KIAA0513: variants seen among roughly 807,000 people sequenced by gnomAD.
The protein encoded by KIAA0513 is uncharacterized protein KIAA0513.
Under a neutral mutation model 56.5 loss-of-function variants are expected in KIAA0513, and 39 were observed. The observed-to-expected ratio is 0.69, with a 90% CI of 0.53 to 0.90. The LOEUF (loss-of-function observed/expected upper bound fraction) is 0.90. KIAA0513 is among the 40% of genes least tolerant of loss of function. KIAA0513 has a pLI of 0.00. For synonymous variants in KIAA0513, 268 were observed against 215.6 expected, an observed-to-expected ratio of 1.24 and a Z score of -2.13; for missense variants, 591 against 535.2, an observed-to-expected ratio of 1.10 and a Z score of -1.03.
At chr16:85,043,760 C>G (rs1457523481) in intron 1 of KIAA0513, among the ~76,000 whole-genome samples, 1 of 152,080 alleles carries the variant, frequency 6.6e-6, no homozygotes, top group Non-Finnish European at 1.5e-5. Flanking sequence ...AGTCCGGACG[C>G]GGTGGCCCAC....
intron 1 of KIAA0513, among the ~76,000 whole-genome samples, chr16:85,054,426 T>C (rs1432406267): frequency 2.8e-5 from 4 of 143,484 alleles, no homozygotes; most frequent in South Asian, 2.3e-4. Context: ...CTTTTCTTTT[T>C]TTTTTTTTTT....
At chr16:85,083,849 C>G (rs2073776406) in intron 10 of KIAA0513, among the ~76,000 whole-genome samples, 2 of 152,178 alleles carry the variant, frequency 1.3e-5, no homozygotes, top group Admixed American at 6.5e-5. Context: ...TTCCAACATG[C>G]CATCTCTTTT....
intron 4 of KIAA0513, among the ~76,000 whole-genome samples, chr16:85,073,474 T>G (rs1194859094): frequency 2.0e-5 from 3 of 152,122 alleles, no homozygotes; most frequent in Non-Finnish European, 4.4e-5. Flanking sequence ...TGGTAGGCGG[T>G]GAGGGGTGGT....
At chr16:85,078,824 C>T in intron 7 of KIAA0513, 101 bp from the exon 8 acceptor site, 3 of 1,270,870 alleles carry the variant, frequency 2.4e-6, no homozygotes, top group Non-Finnish European at 3.4e-6. Flanking sequence ...GTTTCAGTGA[C>T]ATTCGGGGAG....
chr16:85,072,190 G>T (rs560291651), intron 3 of KIAA0513, among the ~76,000 whole-genome samples: 2 of 152,112 alleles, frequency 1.3e-5, no homozygotes, highest in Non-Finnish European at 2.9e-5. Context: ...CCCCCTCCCC[G>T]CATCTCTAAA....
intron 1 of KIAA0513, among the ~76,000 whole-genome samples, chr16:85,062,668 G>C (rs1314268968): frequency 6.6e-6 from 1 of 152,220 alleles, no homozygotes; most frequent in Non-Finnish European, 1.5e-5. Context: ...TTAGTTGCCA[G>C]TGTTGAAAAA....
chr16:85,036,022 C>T (rs1322169511), intron 1 of KIAA0513, among the ~76,000 whole-genome samples: 1 of 151,832 alleles, frequency 6.6e-6, no homozygotes, highest in Non-Finnish European at 1.5e-5. Context: ...ACTATGTTGC[C>T]TGAGCTGGTC....
intron 2 of KIAA0513, among the ~76,000 whole-genome samples, chr16:85,070,182 A>T (rs1271620696): frequency 7.3e-6 from 1 of 137,926 alleles, no homozygotes; most frequent in East Asian, 2.2e-4. Flanking sequence ...AAAAAAAAAA[A>T]AGAAAAAAGA....
Position 85,065,579 on chromosome 16 carries a change from A to G in KIAA0513, c.-172-1321A>G, listed in dbSNP as rs1040665540. 3.3e-5 allele frequency among the ~76,000 whole-genome samples: 5 copies of G among 152,214 alleles called. 1 individual carries two copies. The highest frequency in any genetic ancestry group is 2.0e-4 in the Admixed American group (3 of 15,282). ...GAGAATTTGGAGGAATCCATCATCA[A>G]TGGGTGAGCATTAAGCTCTTAAGAG... On this transcript the variant is annotated intron_variant, in intron 1 of 12. Coordinates refer to ENST00000683363, the MANE Select transcript of KIAA0513 (RefSeq NM_001388359.1).
rs375509169 is a variant in KIAA0513 at position 85,088,376 on chromosome 16, C to T, written c.*51C>T. ...GGACTGAGGCCATGTGCCATTCTCC[C>T]GGGCCCAGCGCCCGGCCGTCACCCC... On this transcript the variant is annotated 3_prime_UTR_variant, in exon 13 of 13. Transcript: ENST00000683363. 263 of 1,542,268 alleles carry T rather than the reference C, an allele frequency of 1.7e-4. 3 individuals carry two copies. Among genetic ancestry groups the T allele is most frequent in the South Asian group, 1.5e-3 (131 of 89,764 alleles).
chr16:85,039,443 T>C (rs2073077597), intron 1 of KIAA0513, among the ~76,000 whole-genome samples: 3 of 152,076 alleles, frequency 2.0e-5, no homozygotes, highest in African/African-American at 4.8e-5. Context: ...ACTGGGACCA[T>C]AGGCATGTGC....
chr16:85,048,607 G>C (rs1307873105), intron 1 of KIAA0513, among the ~76,000 whole-genome samples: 1 of 152,074 alleles, frequency 6.6e-6, no homozygotes, highest in African/African-American at 2.4e-5. Flanking sequence ...AGCTGGATGT[G>C]GTGGCTCACC....
At chr16:85,060,335 G>T (rs1364623829) in intron 1 of KIAA0513, among the ~76,000 whole-genome samples, 1 of 152,164 alleles carries the variant, frequency 6.6e-6, no homozygotes, top group Non-Finnish European at 1.5e-5. Flanking sequence ...GGCTGCCAGG[G>T]AGTTGGCAAA....
At chr16:85,060,400 C>G (rs1313933839) in intron 1 of KIAA0513, among the ~76,000 whole-genome samples, 1 of 152,202 alleles carries the variant, frequency 6.6e-6, no homozygotes, top group Non-Finnish European at 1.5e-5. Context: ...CCCTCAGAGA[C>G]ACAGGTGGTG....
intron 1 of KIAA0513, among the ~76,000 whole-genome samples, chr16:85,050,549 C>G (rs1034264951): frequency 3.9e-5 from 6 of 152,056 alleles, no homozygotes; most frequent in Non-Finnish European, 7.4e-5. Context: ...CTCCTGACCT[C>G]AAGTGATCCC....
chr16:85,034,582 A>G (rs1329983115), intron 1 of KIAA0513, among the ~76,000 whole-genome samples: 4 of 152,204 alleles, frequency 2.6e-5, no homozygotes, highest in East Asian at 1.9e-4. Flanking sequence ...TGTCCAGGGC[A>G]AGTACAGAGG....
In KIAA0513 at chr16:85,081,253, C is replaced by A; in HGVS notation, c.903-62C>A. ...TGCCCTTGTTTATCCCTCAAGGGGC[C>A]CACAACCCGTGTCCTCCCCGCCTCC... On this transcript the variant is annotated intron_variant, in intron 8 of 12. Transcript: ENST00000683363. This position sits in a 1 kb window ranked among gnomAD's most constrained non-coding sequence, Gnocchi z 4.4. 6.7e-7 allele frequency: 1 copy of A among 1,492,080 alleles called. No individual in the cohort carries two copies. The highest frequency in any genetic ancestry group is 9.3e-7 in the Non-Finnish European group (1 of 1,070,360). 92.4% of individuals were successfully genotyped at this position (1,492,080 alleles called of 1,614,324 possible).
In KIAA0513 at chr16:85,041,519, T is replaced by G. The variant is rs530876075; in HGVS notation, c.-173+13661T>G. On this transcript the variant is annotated intron_variant, in intron 1 of 12. Transcript: ENST00000683363. Reference sequence around the variant, plus strand: ...AAGGAAGGGTCATGTCCTATTCATCTTTGTTTCGTAGGATTTATCACAGTT... The same window carrying G: ...AAGGAAGGGTCATGTCCTATTCATCGTTGTTTCGTAGGATTTATCACAGTT... 3.3e-5 allele frequency among the ~76,000 whole-genome samples: 5 copies of G among 152,328 alleles called. No individual in the cohort carries two copies. The South Asian group carries it at 1.0e-3, about 32-fold the overall frequency.
intron 2 of KIAA0513, among the ~76,000 whole-genome samples, chr16:85,067,967 C>T (rs964292135): frequency 5.9e-5 from 9 of 151,850 alleles, no homozygotes; most frequent in African/African-American, 9.7e-5. Context: ...CCCACCACCA[C>T]GCTTGGCTAA....
Sources: gnomAD v4.1 joint callset for allele counts (sites outside exome capture counted in the v4.1 genomes callset) on GRCh38, gnomAD v4.1.1 for gene constraint, Gnocchi (gnomAD v3.1) non-coding constraint, MANE v1.5 for transcripts, NCBI Gene and HGNC (gene_info 2026-07-23, HGNC 2026-07-21) for gene names.